Variants in SLC24A2 observed in about 807,000 individuals in gnomAD.
The protein encoded by SLC24A2 is solute carrier family 24 member 2, also known as sodium/potassium/calcium exchanger 2.
A neutral mutation model predicts 62.0 loss-of-function variants in SLC24A2; 36 were observed. The observed-to-expected ratio is 0.58, with a 90% confidence interval of 0.44 to 0.77. SLC24A2 has a LOEUF of 0.77. Ranked by LOEUF, SLC24A2 falls within the 30% of genes least tolerant of loss-of-function variation. SLC24A2 has a pLI of 0.00. For synonymous variants in SLC24A2, 358 were observed against 294.0 expected (o/e 1.22, Z -2.23); for missense variants, 846 against 817.9 (o/e 1.03, Z -0.42).
At chr9:19,622,202 C>T in intron 3 of SLC24A2, 59 bp downstream of exon 3, 1 of 1,479,176 alleles carries the variant, frequency 6.8e-7, no homozygotes, top group South Asian at 1.1e-5. Flanking sequence ...CACTCCCACC[C>T]CTGCCCCACG....
intron 8 of SLC24A2, among the ~76,000 whole-genome samples, chr9:19,548,056 C>T (rs1834669645): frequency 6.6e-6 from 1 of 151,574 alleles, no homozygotes; most frequent in African/African-American, 2.4e-5. Flanking sequence ...ACCAGGAAAC[C>T]TATACTGCTG....
the SLC24A2 span, among the ~76,000 whole-genome samples, chr9:19,944,895 C>CA: frequency 6.6e-6 from 1 of 152,128 alleles, no homozygotes; most frequent in Non-Finnish European, 1.5e-5. Flanking sequence ...TTAAAAGAGT[C>CA]AGATTTCTAT....
rs1474014131 is a variant in SLC24A2, at chr9:19,509,964, C to T, written c.*6189G>A. 1 of 152,144 alleles carries T rather than the reference C, an allele frequency of 6.6e-6. No individual in the cohort carries two copies. Among genetic ancestry groups the T allele is most frequent in the Non-Finnish European group, 1.5e-5 (1 of 68,030 alleles). The allele number at this position is 152,144 out of a possible 1,614,324, so 9.4% of individuals were successfully genotyped here. On this transcript the variant is annotated 3_prime_UTR_variant, in exon 11 of 11. Coordinates refer to ENST00000341998, the MANE Select transcript of SLC24A2 (RefSeq NM_020344.4). ...AAAAGGATATAAACACACTGCAGTA[C>T]TGGTTAATAAGTGGAGATCCAATCA...
chr9:19,836,878 C>T, the SLC24A2 span, among the ~76,000 whole-genome samples: 3 of 152,300 alleles, frequency 2.0e-5, no homozygotes, highest in East Asian at 3.9e-4. Flanking sequence ...AGCTTATCCA[C>T]CATGATCAAG....
intron 2 of SLC24A2, among the ~76,000 whole-genome samples, chr9:19,735,773 C>T (rs946428912): frequency 2.0e-5 from 3 of 151,832 alleles, no homozygotes; most frequent in Admixed American, 6.6e-5. Flanking sequence ...AAACCAAACA[C>T]CGCATGTTCT....
the SLC24A2 span, among the ~76,000 whole-genome samples, chr9:20,048,478 C>T: frequency 4.0e-4 from 61 of 151,302 alleles, no homozygotes; most frequent in African/African-American, 1.1e-3. Context: ...CAGCCCAAGC[C>T]AATGATGTGT....
At chr9:20,127,012 C>G in the SLC24A2 span, among the ~76,000 whole-genome samples, 1 of 152,138 alleles carries the variant, frequency 6.6e-6, no homozygotes, top group Non-Finnish European at 1.5e-5. Flanking sequence ...AAAACCAGAT[C>G]AAACTTCATT....
the SLC24A2 span, among the ~76,000 whole-genome samples, chr9:20,226,272 C>T: frequency 6.6e-6 from 1 of 152,102 alleles, no homozygotes; most frequent in Admixed American, 6.6e-5. Flanking sequence ...CATCCAAAAA[C>T]CATGTATTTT....
intron 9 of SLC24A2, among the ~76,000 whole-genome samples, chr9:19,522,306 CT>C (rs1833241367): frequency 6.6e-6 from 1 of 152,102 alleles, no homozygotes. Flanking sequence ...CCTCTTGGGA[CT>C]TTTAAAACCT....
chr9:19,955,345 T>TA, the SLC24A2 span, among the ~76,000 whole-genome samples: 1 of 150,558 alleles, frequency 6.6e-6, no homozygotes, highest in South Asian at 2.1e-4. Flanking sequence ...GTAGAGTGAA[T>TA]AAAAAACTAG....
At chr9:19,817,989 C>T in the SLC24A2 span, among the ~76,000 whole-genome samples, 1 of 152,084 alleles carries the variant, frequency 6.6e-6, no homozygotes, top group Admixed American at 6.6e-5. Context: ...CTCAAGTAAT[C>T]CTCCCACTTT....
chr9:20,185,998 G>C, the SLC24A2 span, among the ~76,000 whole-genome samples: 11 of 152,202 alleles, frequency 7.2e-5, no homozygotes, highest in East Asian at 2.1e-3. Flanking sequence ...GGCCTCTTGG[G>C]GCTTACACCA....
At chr9:19,700,124 C>T (rs570333702) in intron 2 of SLC24A2, among the ~76,000 whole-genome samples, 1 of 152,316 alleles carries the variant, frequency 6.6e-6, no homozygotes, top group Non-Finnish European at 1.5e-5. Context: ...CAAGCTATGT[C>T]TCACCTGAGA....
intron 2 of SLC24A2, among the ~76,000 whole-genome samples, chr9:19,639,282 T>C (rs1386299502): frequency 6.6e-6 from 1 of 152,254 alleles, no homozygotes; most frequent in Non-Finnish European, 1.5e-5. Flanking sequence ...CTCTTCCCTA[T>C]AATGAAGTCC....
At chr9:19,628,738 C>G (rs559461628) in intron 2 of SLC24A2, among the ~76,000 whole-genome samples, 2 of 152,264 alleles carry the variant, frequency 1.3e-5, no homozygotes, top group Admixed American at 6.5e-5. Context: ...GGTGTCCAAC[C>G]TTTTGGCTTC....
chr9:20,159,707 G>A, the SLC24A2 span, among the ~76,000 whole-genome samples: 610 of 151,448 alleles, frequency 4.0e-3, 7 homozygotes, highest in African/African-American at 0.013. Flanking sequence ...AATATCAGCA[G>A]ATCAGATAAT....
chr9:19,664,535 GC>G (rs1564025102), intron 2 of SLC24A2, among the ~76,000 whole-genome samples: 1 of 152,212 alleles, frequency 6.6e-6, no homozygotes, highest in Non-Finnish European at 1.5e-5. Context: ...ATCTGGTGAA[GC>G]AGGTTGAATT....
At chr9:19,762,890 A>G (rs879034639) in intron 2 of SLC24A2, among the ~76,000 whole-genome samples, 1 of 150,822 alleles carries the variant, frequency 6.6e-6, no homozygotes, top group African/African-American at 2.4e-5. Context: ...ATAGCATTGA[A>G]TCTATAAATT....
chr9:19,538,236 CTA>C (rs1296918980), intron 8 of SLC24A2, among the ~76,000 whole-genome samples: 1 of 129,236 alleles, frequency 7.7e-6, no homozygotes, highest in African/African-American at 3.2e-5. Flanking sequence ...ACTTCCAACA[CTA>C]TGTTGAATAG....
Sources: gnomAD v4.1 joint callset for allele counts (sites outside exome capture counted in the v4.1 genomes callset) on GRCh38, gnomAD v4.1.1 for gene constraint, MANE v1.5 for transcripts, NCBI Gene and HGNC (gene_info 2026-07-23, HGNC 2026-07-21) for gene names.